The following CACNA1G variants were observed in gnomAD, a reference collection of about 807,000 sequenced individuals.
CACNA1G encodes the protein voltage-dependent T-type calcium channel subunit alpha-1G.
A neutral mutation model predicts 219.4 loss-of-function variants in CACNA1G; 67 were observed. The ratio of observed to expected loss-of-function variants is 0.31; its 90% CI spans 0.25 to 0.37. The LOEUF (loss-of-function observed/expected upper bound fraction) is 0.37, where lower values mean the gene tolerates loss of function less well. CACNA1G is among the 10% of genes least tolerant of loss of function. CACNA1G has a pLI of 1.00. For missense variants in CACNA1G, 2,380 were observed against 3,231.4 expected (o/e 0.74, Z 6.39); for synonymous variants, 1,296 against 1,345.3 (o/e 0.96, Z 0.80).
Position 50,561,162 on chromosome 17 carries a change from G to A in CACNA1G, c.-298G>A. On this transcript the variant is annotated 5_prime_UTR_variant, in exon 1 of 38. Transcript: ENST00000359106. Reference sequence around the variant, plus strand: ...CCGGCAACCGGAGCCTGGGCGCGAAGCGAAGAAGCCGGAACAAAGTGAGGG... The same window carrying A: ...CCGGCAACCGGAGCCTGGGCGCGAAACGAAGAAGCCGGAACAAAGTGAGGG... 1.3e-5 allele frequency: 7 copies of A among 544,884 alleles called. No homozygotes were observed. Among genetic ancestry groups the A allele is most frequent in the Middle Eastern group, 4.8e-4 (1 of 2,076 alleles). 33.8% of individuals were successfully genotyped at this position (544,884 alleles called of 1,614,324 possible). A position where few individuals can be genotyped will look rare whatever the true frequency, so the allele number is the denominator to read the frequency against.
At position 50,571,953 on chromosome 17, in the gene CACNA1G, T is replaced by C; in HGVS notation, c.662T>C (p.Val221Ala). 1 of 1,613,990 alleles carries C rather than the reference T, an allele frequency of 6.2e-7. No homozygotes were observed. Among genetic ancestry groups the C allele is most frequent in the Non-Finnish European group, 8.5e-7 (1 of 1,179,854 alleles). The change falls in exon 5 of 38, where the codon GTC becomes GCC. Residue 221 changes from valine (V) to alanine (A), a missense_variant. Val to Ala is a moderately conservative substitution (Grantham distance 64). Transcript: ENST00000359106. The surrounding 1 kb of genome is among the most constrained non-coding windows in gnomAD (Gnocchi z 4.3). Reference protein sequence around the residue: ...LGNVLLLCFFVFFIFGIVGVQ... With the variant: ...LGNVLLLCFFAFFIFGIVGVQ... ...AACGTCCTGCTGCTCTGCTTCTTCG[T>C]CTTCTTCATCTTCGGCATCGTCGGC...
intron 23 of CACNA1G, chr17:50,606,525 A>C: frequency 5.3e-6 from 3 of 562,556 alleles, no homozygotes; most frequent in East Asian, 2.9e-5. Flanking sequence ...GAAGGGACGG[A>C]TATATTGTCA....
In CACNA1G at chr17:50,599,852, G is replaced by T. The variant is rs373540931; in HGVS notation, c.3683G>T (p.Gly1228Val). Residue 1228 changes from glycine (G) to valine (V), a missense_variant, in exon 17 of 38, where the codon GGC (glycine) becomes GTC (valine). Coordinates refer to ENST00000359106, the MANE Select transcript of CACNA1G (RefSeq NM_018896.5). The stretch of plus-strand genomic sequence containing the variant: ...GATGGGGATGACGCCGATGACGAGG[G>T]CAACCTGGTGAGGCCCCTGTGGGCA... ...PLDGDDADDE[G>V]NLSKGERVRA... 3 of 1,605,684 alleles carry T rather than the reference G, an allele frequency of 1.9e-6. No homozygotes were observed. In the Admixed American group the frequency reaches 5.0e-5, roughly 27 times the overall value.
Position 50,576,336 on chromosome 17 carries a change from C to G in CACNA1G, c.1924+10C>G. On this transcript the variant is annotated intron_variant, in intron 8 of 37. Coordinates refer to ENST00000359106, the MANE Select transcript of CACNA1G (RefSeq NM_018896.5). ...GAGACACAGAGTACAGGTGAGAACT[C>G]TGGGTGGAGGCATGTGGGTGCCCTC... 6.4e-7 allele frequency: 1 copy of G among 1,563,174 alleles called. No homozygotes were observed. The highest frequency in any genetic ancestry group is 8.7e-7 in the Non-Finnish European group (1 of 1,153,900).
In CACNA1G at chr17:50,561,361, TG is replaced by T. The variant is rs1217899501; in HGVS notation, c.-98del. The T allele has an allele frequency of 1.2e-5, 17 of 1,472,700 alleles. No homozygotes were observed. Among genetic ancestry groups the T allele is most frequent in the Non-Finnish European group, 1.6e-5 (17 of 1,094,060 alleles). 91.2% of individuals were successfully genotyped at this position (1,472,700 alleles called of 1,614,324 possible). On this transcript the variant is annotated 5_prime_UTR_variant, in exon 1 of 38. It removes an upstream start codon present in the reference 5' UTR. Transcript: ENST00000359106. ...AGCTTGCGCCCTAGAGCCCACCAGA[TG>T]TGCCCCCGCCGGGGCCCCCGGGTTG...
chr17:50,606,977 C>T lies in CACNA1G; in HGVS notation c.4500C>T (p.Gly1500=), dbSNP rs2048092738. The change falls in exon 24 of 38, where the codon GGC becomes GGT. Residue 1500 remains glycine (G), a synonymous_variant. Coordinates refer to ENST00000359106, the MANE Select transcript of CACNA1G (RefSeq NM_018896.5). ...TGTACGATGGGCTGGATGCTGTGGG[C>T]GTGGACCAGCAGGTAGGGCTGAGGT... ...DIMYDGLDAV[G]VDQQPIMNHN... The T allele has an allele frequency of 2.5e-6, 4 of 1,613,210 alleles. No homozygotes were observed. The highest frequency in any genetic ancestry group is 2.2e-5 in the East Asian group (1 of 44,878).
rs1427447277 is a variant in CACNA1G, at chr17:50,618,101, G to A, written c.5280G>A (p.Leu1760=). Residue 1760 remains leucine (L), a synonymous_variant, in exon 31 of 38, where the codon CTG becomes CTA. Coordinates refer to ENST00000359106, the MANE Select transcript of CACNA1G (RefSeq NM_018896.5). This position sits in a 1 kb window ranked among gnomAD's most constrained non-coding sequence, Gnocchi z 5.3. ...TGTTGTTTTTCATCTTTGCAGCTCT[G>A]GGCGTGGAGCTCTTTGGAGACCTGG... is the stretch of plus-strand genomic sequence containing the variant. ...FMLLFFIFAA[L]GVELFGDLEC... The A allele has an allele frequency of 1.9e-6, 3 of 1,613,826 alleles. No individual in the cohort carries two copies. Among genetic ancestry groups the A allele is most frequent in the South Asian group, 1.1e-5 (1 of 91,078 alleles).
chr17:50,576,815 A>G (rs1437377491), intron 8 of CACNA1G, among the ~76,000 whole-genome samples: 1 of 152,192 alleles, frequency 6.6e-6, no homozygotes, highest in Non-Finnish European at 1.5e-5. Flanking sequence ...TGAGGCTCAG[A>G]GAGGAAATGG....
At chr17:50,567,697 C>CT (rs2038285418) in intron 1 of CACNA1G, among the ~76,000 whole-genome samples, 1 of 152,138 alleles carries the variant, frequency 6.6e-6, no homozygotes, top group Non-Finnish European at 1.5e-5. Flanking sequence ...TTTCTAGCCT[C>CT]TTTACTCTTC....
intron 9 of CACNA1G, among the ~76,000 whole-genome samples, chr17:50,580,405 G>A (rs1309213834): frequency 1.3e-5 from 2 of 151,616 alleles, no homozygotes; most frequent in African/African-American, 4.8e-5. Flanking sequence ...CCCCCAGGGG[G>A]CACCTCCCCA....
chr17:50,587,102 G>A (rs1196352014), intron 9 of CACNA1G, among the ~76,000 whole-genome samples: 1 of 152,174 alleles, frequency 6.6e-6, no homozygotes, highest in Non-Finnish European at 1.5e-5. Context: ...AGGGGTGGCT[G>A]GCTCCAGCCT....
Position 50,599,570 on chromosome 17 carries a change from GAGA to G in CACNA1G, c.3404_3406del (p.Glu1135del). ...GGAGAGCGGCGGTCCCTGTTGTCGG[GAGA>G]AGGCCAGGAGAGCCAGGATGAAGAG... On this transcript the variant is annotated inframe_deletion, in exon 17 of 38. Transcript: ENST00000359106. The G allele has an allele frequency of 5.0e-6, 8 of 1,613,110 alleles. No individual in the cohort carries two copies. Among genetic ancestry groups the G allele is most frequent in the African/African-American group, 2.7e-5 (2 of 75,066 alleles).
At chr17:50,607,296 G>T in intron 24 of CACNA1G, 1 of 409,756 alleles carries the variant, frequency 2.4e-6, no homozygotes, top group Non-Finnish European at 4.7e-6. Flanking sequence ...TTGAGGCCAG[G>T]AGTTGGAGAC....
At chr17:50,569,565 G>T in intron 3 of CACNA1G, 141 bp from the exon 4 acceptor site, 1 of 687,002 alleles carries the variant, frequency 1.5e-6, no homozygotes, top group South Asian at 1.8e-5. Flanking sequence ...CAGAGAGCCG[G>T]ATCTTCAGGG....
At chr17:50,566,612 G>A (rs1327175934) in intron 1 of CACNA1G, among the ~76,000 whole-genome samples, 1 of 152,244 alleles carries the variant, frequency 6.6e-6, no homozygotes, top group Non-Finnish European at 1.5e-5. Context: ...CCTTCCCCCA[G>A]TTATAAGCAG....
intron 26 of CACNA1G, among the ~76,000 whole-genome samples, chr17:50,613,398 T>G (rs1214434392): frequency 6.6e-6 from 1 of 152,166 alleles, no homozygotes; most frequent in Non-Finnish European, 1.5e-5. Flanking sequence ...GCAGATGCCC[T>G]GCCTCAGTCC....
rs191730256 is a variant in CACNA1G, at chr17:50,618,455, C to T, written c.5427+112C>T. On this transcript the variant is annotated intron_variant, in intron 32 of 37. Transcript: ENST00000359106. This position sits in a 1 kb window ranked among gnomAD's most constrained non-coding sequence, Gnocchi z 5.3. ...TAAAAGCATGTGACCTTCTCTCCCC[C>T]GTGCTAGAACACTCTGGAACTCCCT... The T allele has an allele frequency of 1.7e-4, 239 of 1,406,616 alleles. 1 individual carries two copies. In the African/African-American group the frequency reaches 2.5e-3, roughly 14 times the overall value. 87.1% of individuals were successfully genotyped at this position (1,406,616 alleles called of 1,614,324 possible).
chr17:50,578,666 C>A lies in CACNA1G; in HGVS notation c.2301+102C>A. On this transcript the variant is annotated intron_variant, in intron 9 of 37. Transcript: ENST00000359106. The surrounding 1 kb of genome is among the most constrained non-coding windows in gnomAD (Gnocchi z 4.5). ...CCCCTCCTCCTGAGCTCAGCTTCCT[C>A]TCCATGCTGCTAGCCCACCTGGCAG... The A allele has an allele frequency of 8.3e-7, 1 of 1,199,526 alleles. No homozygotes were observed. The allele number at this position is 1,199,526 out of a possible 1,614,324, so 74.3% of individuals were successfully genotyped here. A position where few individuals can be genotyped will look rare whatever the true frequency, so the allele number is the denominator to read the frequency against.
chr17:50,607,396 G>A (rs1021013313), intron 24 of CACNA1G: 1 of 353,854 alleles, frequency 2.8e-6, no homozygotes, highest in Non-Finnish European at 5.5e-6. Context: ...TCCCAGCTGA[G>A]GTGGGAGGAT....
Sources: allele counts gnomAD v4.1 joint callset (sites outside exome capture counted in the v4.1 genomes callset), GRCh38; gene constraint gnomAD v4.1.1; non-coding constraint Gnocchi (gnomAD v3.1); transcripts MANE v1.5; gene names NCBI Gene and HGNC (gene_info 2026-07-23, HGNC 2026-07-21).